The following BRD7 variants were observed in gnomAD, a reference collection of about 807,000 sequenced individuals.
The protein encoded by BRD7 is bromodomain containing 7.
BRD7 carries 15 observed loss-of-function variants against 82.1 expected under a neutral mutation model. That is an observed-to-expected ratio of 0.18 (90% CI 0.12 to 0.28). The LOEUF (loss-of-function observed/expected upper bound fraction) is 0.28, where lower values mean the gene tolerates loss of function less well. Ranked by LOEUF, BRD7 falls within the 10% of genes least tolerant of loss-of-function variation. The pLI is 1.00. For synonymous variants in BRD7, 232 were observed against 266.9 expected, an observed-to-expected ratio of 0.87 and a Z score of 1.27; for missense variants, 638 against 779.9, an observed-to-expected ratio of 0.82 and a Z score of 2.17.
At position 50,316,538 on chromosome 16, in the gene BRD7, G is replaced by GCTAA. The variant is rs1207753860; in HGVS notation, c.*2669_*2672dup. On this transcript the variant is annotated 3_prime_UTR_variant, in exon 17 of 17. Coordinates refer to ENST00000394688, the MANE Select transcript of BRD7 (RefSeq NM_013263.5). ...TCTCTTCTTTCCTTTAGTCTTCACA[G>GCTAA]CTAACTCTGGAGAGCTTCAAAACTA... is the stretch of plus-strand genomic sequence containing the variant. 3.3e-5 allele frequency: 5 copies of GCTAA among 152,336 alleles called. No homozygotes were observed. Among genetic ancestry groups the GCTAA allele is most frequent in the Admixed American group, 6.5e-5 (1 of 15,286 alleles). The allele number at this position is 152,336 out of a possible 1,614,324, so 9.4% of individuals were successfully genotyped here. A position where few individuals can be genotyped will look rare whatever the true frequency, so the allele number is the denominator to read the frequency against.
chr16:50,336,029 T>C (rs1055187543), intron 6 of BRD7, among the ~76,000 whole-genome samples: 2 of 152,242 alleles, frequency 1.3e-5, no homozygotes, highest in Non-Finnish European at 2.9e-5. Context: ...ATTCCAGTAC[T>C]TTTCCAACCA....
At chr16:50,323,554 A>T (rs1425342440) in intron 12 of BRD7, 33 bp downstream of exon 12, 2 of 1,447,730 alleles carry the variant, frequency 1.4e-6, no homozygotes, top group African/African-American at 1.4e-5. Flanking sequence ...AGTCGATAAT[A>T]AATTACCCTG....
chr16:50,325,607 T>C (rs1322600337), intron 11 of BRD7, 141 bp downstream of exon 11: 1 of 642,682 alleles, frequency 1.6e-6, no homozygotes, highest in East Asian at 3.0e-5. Flanking sequence ...TAACTATGAA[T>C]CCATTATTGT....
At chr16:50,320,603 A>G (rs971888887) in intron 14 of BRD7, 60 bp downstream of exon 14, 1 of 1,458,154 alleles carries the variant, frequency 6.9e-7, no homozygotes, top group South Asian at 1.1e-5. Flanking sequence ...CTTATGAGAC[A>G]TGAAATCTTG....
chr16:50,332,751 T>C (rs2037621556), intron 8 of BRD7, among the ~76,000 whole-genome samples: 1 of 151,926 alleles, frequency 6.6e-6, no homozygotes, highest in Admixed American at 6.6e-5. Flanking sequence ...AACAAAGGAC[T>C]AGGTAAAGAA....
intron 5 of BRD7, among the ~76,000 whole-genome samples, chr16:50,341,102 T>G (rs1439165813): frequency 2.0e-5 from 3 of 149,266 alleles, no homozygotes; most frequent in African/African-American, 5.0e-5. Flanking sequence ...GATCTTCAGT[T>G]TGGGCCATGA....
chr16:50,366,061 A>T (rs2039131850), intron 2 of BRD7, among the ~76,000 whole-genome samples: 1 of 152,238 alleles, frequency 6.6e-6, no homozygotes, highest in Non-Finnish European at 1.5e-5. Context: ...CAGACTTCTC[A>T]ACAGCAAATT....
intron 2 of BRD7, among the ~76,000 whole-genome samples, chr16:50,359,203 G>A (rs934023837): frequency 1.1e-4 from 17 of 152,238 alleles, no homozygotes; most frequent in African/African-American, 3.6e-4. Flanking sequence ...AGTTAAGGAA[G>A]AAGAGTTTAC....
At chr16:50,343,004 T>C (rs1438640132) in intron 5 of BRD7, among the ~76,000 whole-genome samples, 2 of 152,220 alleles carry the variant, frequency 1.3e-5, no homozygotes, top group Non-Finnish European at 2.9e-5. Flanking sequence ...CAGGTCCTTG[T>C]AAATTTTCTA....
Position 50,343,872 on chromosome 16 carries a change from T to C in BRD7, c.592-3786A>G, listed in dbSNP as rs910686434. ...CTGAACAAAAGGCAGCAGAAACTTC[T>C]GCAGACTTAAACGTCCCTGTCTGAC... On this transcript the variant is annotated intron_variant, in intron 5 of 16. Transcript: ENST00000394688. Among the ~76,000 whole-genome samples, 33 of 152,158 alleles carry C rather than the reference T, an allele frequency of 2.2e-4. 1 individual carries two copies. Among genetic ancestry groups the C allele is most frequent in the African/African-American group, 6.8e-4 (28 of 41,434 alleles).
chr16:50,368,697 C>T (rs777095906), intron 1 of BRD7, 29 bp downstream of exon 1: 23 of 1,548,220 alleles, frequency 1.5e-5, no homozygotes, highest in Admixed American at 3.8e-5. Flanking sequence ...GCCGAGGGCC[C>T]GCCGCCCGCA....
At chr16:50,350,224 T>C in intron 4 of BRD7, 57 bp from the exon 5 acceptor site, 2 of 1,354,442 alleles carry the variant, frequency 1.5e-6, no homozygotes, top group South Asian at 1.8e-5. Context: ...ACAAATCTAT[T>C]GGTCTAGGAG....
intron 5 of BRD7, among the ~76,000 whole-genome samples, chr16:50,346,613 C>T (rs868379187): frequency 2.6e-5 from 4 of 152,112 alleles, no homozygotes; most frequent in African/African-American, 9.7e-5. Flanking sequence ...GAAATAGAAA[C>T]TACCATCAGA....
chr16:50,350,965 T>G (rs1233365263), intron 4 of BRD7, among the ~76,000 whole-genome samples: 2 of 152,198 alleles, frequency 1.3e-5, no homozygotes, highest in African/African-American at 2.4e-5. Flanking sequence ...GATTTGAATA[T>G]TTGGCATTTG....
intron 2 of BRD7, among the ~76,000 whole-genome samples, chr16:50,365,014 G>A (rs2039085186): frequency 1.3e-5 from 2 of 152,140 alleles, no homozygotes; most frequent in Non-Finnish European, 2.9e-5. Context: ...GAGACGGAAG[G>A]CAAATGGGGT....
intron 2 of BRD7, among the ~76,000 whole-genome samples, chr16:50,363,660 T>TGTGTGTGTGTGTGTGTGTGTGC (rs138025982): frequency 9.8e-6 from 1 of 102,402 alleles, no homozygotes; most frequent in Admixed American, 9.6e-5. Flanking sequence ...TGTGTGTGTG[T>TGTGTGTGTGTGTGTGTGTGTGC]GCGCGCGCGC....
rs143144825 is a variant in BRD7 at position 50,339,667 on chromosome 16, A to C, written c.702+309T>G. ...GCAAACAGAGAGCTTTCCTCTTCAG[A>C]GTTCTCACAATTCAGCCAGTCTTAT... is the stretch of plus-strand genomic sequence containing the variant. On this transcript the variant is annotated intron_variant, in intron 6 of 16. Coordinates refer to ENST00000394688, the MANE Select transcript of BRD7 (RefSeq NM_013263.5). 6.4e-3 allele frequency among the ~76,000 whole-genome samples: 977 copies of C among 152,334 alleles called. 14 individuals are homozygous for C. Among genetic ancestry groups the C allele is most frequent in the African/African-American group, 0.022 (917 of 41,574 alleles).
intron 13 of BRD7, among the ~76,000 whole-genome samples, chr16:50,321,550 G>C (rs1198404738): frequency 4.4e-5 from 5 of 114,678 alleles, no homozygotes; most frequent in African/African-American, 6.8e-5. Flanking sequence ...CTGGGCAACA[G>C]AGCGGGACTC....
chr16:50,329,890 A>G (rs1271346942), intron 8 of BRD7, among the ~76,000 whole-genome samples: 1 of 152,222 alleles, frequency 6.6e-6, no homozygotes, highest in Non-Finnish European at 1.5e-5. Context: ...ACATATGTCT[A>G]CTGTTTTAAC....
Sources: allele counts gnomAD v4.1 joint callset (sites outside exome capture counted in the v4.1 genomes callset), GRCh38; gene constraint gnomAD v4.1.1; transcripts MANE v1.5; gene names NCBI Gene and HGNC (gene_info 2026-07-23, HGNC 2026-07-21).